Variants in MYRIP observed in about 807,000 individuals in gnomAD.
The protein encoded by MYRIP is myosin VIIA and Rab interacting protein.
In MYRIP, 49 loss-of-function variants were observed where a neutral mutation model predicts 98.0. That is an observed-to-expected ratio of 0.50 (90% CI 0.40 to 0.63). The LOEUF (loss-of-function observed/expected upper bound fraction) is 0.63, where lower values mean the gene tolerates loss of function less well. Ranked by LOEUF, MYRIP falls within the 30% of genes least tolerant of loss-of-function variation. The pLI, the probability that MYRIP is intolerant of heterozygous loss-of-function variation, is 0.00. For synonymous variants in MYRIP, 404 were observed against 409.5 expected (o/e 0.99, Z 0.16); for missense variants, 1,004 against 1,058.2 (o/e 0.95, Z 0.71).
At chr3:40,049,853 G>A (rs1947753403) in intron 3 of MYRIP, among the ~76,000 whole-genome samples, 1 of 152,140 alleles carries the variant, frequency 6.6e-6, no homozygotes, top group Non-Finnish European at 1.5e-5. Context: ...TATTGCTGAT[G>A]GGGAGAAAGT....
intron 1 of MYRIP, among the ~76,000 whole-genome samples, chr3:39,892,388 A>T (rs908472583): frequency 6.6e-6 from 1 of 152,202 alleles, no homozygotes; most frequent in Non-Finnish European, 1.5e-5. Context: ...TGGATATTGG[A>T]TGGCAGCAGT....
chr3:39,860,841 C>T (rs539298427), intron 1 of MYRIP, among the ~76,000 whole-genome samples: 139 of 152,230 alleles, frequency 9.1e-4, no homozygotes, highest in Non-Finnish European at 1.7e-3. Flanking sequence ...CATGTGTAGG[C>T]ATGTATACCC....
intron 2 of MYRIP, among the ~76,000 whole-genome samples, chr3:39,946,763 C>T (rs142567243): frequency 5.3e-5 from 8 of 152,090 alleles, no homozygotes; most frequent in South Asian, 2.1e-4. Context: ...CCTGAGCAGA[C>T]GATCCAGATA....
chr3:39,913,039 T>TA (rs34151055), intron 2 of MYRIP, among the ~76,000 whole-genome samples: 67,001 of 151,602 alleles, frequency 0.44, 15,054 homozygotes, highest in East Asian at 0.54. Flanking sequence ...GACTCCATCT[T>TA]AAAAAAAATT....
chr3:39,995,697 T>C (rs12634047), intron 2 of MYRIP, among the ~76,000 whole-genome samples: 12,817 of 152,126 alleles, frequency 0.084, 847 homozygotes, highest in African/African-American at 0.17. Flanking sequence ...GACGCAAAGA[T>C]ACTCCTCGAG....
intron 13 of MYRIP, 122 bp downstream of exon 13, chr3:40,244,729 G>A (rs773577018): frequency 5.1e-5 from 55 of 1,083,250 alleles, no homozygotes; most frequent in African/African-American, 3.2e-4. Flanking sequence ...GCATGTTTGC[G>A]TGGATACAGT....
chr3:39,997,470 C>G (rs1946393812), intron 2 of MYRIP, among the ~76,000 whole-genome samples: 1 of 152,102 alleles, frequency 6.6e-6, no homozygotes, highest in Admixed American at 6.5e-5. Flanking sequence ...TACACCCTCC[C>G]AAGACTAAAC....
intron 2 of MYRIP, among the ~76,000 whole-genome samples, chr3:39,994,804 A>G (rs889571583): frequency 2.4e-4 from 37 of 152,210 alleles, no homozygotes; most frequent in African/African-American, 8.9e-4. Flanking sequence ...GGGCAGACTG[A>G]CACCTCACAC....
intron 3 of MYRIP, among the ~76,000 whole-genome samples, chr3:40,110,266 T>C (rs1949132065): frequency 6.6e-6 from 1 of 152,110 alleles, no homozygotes; most frequent in African/African-American, 2.4e-5. Context: ...TGCATTTATT[T>C]GCAGGTTACT....
At chr3:39,836,076 T>C (rs1941611328) in intron 1 of MYRIP, among the ~76,000 whole-genome samples, 1 of 152,184 alleles carries the variant, frequency 6.6e-6, no homozygotes, top group African/African-American at 2.4e-5. Flanking sequence ...ATCTTTATAG[T>C]GTAATGATTT....
rs549494371 is a variant in MYRIP at position 39,943,331 on chromosome 3, G to T, written c.110+42405G>T. Among the ~76,000 whole-genome samples, 227 of 152,198 alleles carry T rather than the reference G, an allele frequency of 1.5e-3. 5 individuals carry two copies. The South Asian group carries it at 0.045, about 30-fold the overall frequency. The stretch of plus-strand genomic sequence containing the variant: ...TTTTATGATGACTCCATCCAATGAG[G>T]AAAAACAAATGGAAAACAACTTGCT... On this transcript the variant is annotated intron_variant, in intron 2 of 16. Coordinates refer to ENST00000302541, the MANE Select transcript of MYRIP (RefSeq NM_015460.4).
intron 2 of MYRIP, among the ~76,000 whole-genome samples, chr3:39,973,869 C>A (rs769898292): frequency 6.6e-6 from 1 of 152,124 alleles, no homozygotes; most frequent in African/African-American, 2.4e-5. Flanking sequence ...AAAGACGCAA[C>A]GTACCAGAAT....
chr3:40,085,381 G>C (rs114940456), intron 3 of MYRIP, among the ~76,000 whole-genome samples: 2 of 152,092 alleles, frequency 1.3e-5, no homozygotes, highest in Non-Finnish European at 2.9e-5. Context: ...CCATCTCCCC[G>C]GTCAAGTGAT....
intron 3 of MYRIP, among the ~76,000 whole-genome samples, chr3:40,071,940 C>G (rs1161609181): frequency 6.6e-6 from 1 of 152,088 alleles, no homozygotes; most frequent in African/African-American, 2.4e-5. Flanking sequence ...TAAATCTGAA[C>G]CTAGGAGTAG....
intron 2 of MYRIP, among the ~76,000 whole-genome samples, chr3:40,023,624 C>T (rs1947054032): frequency 6.6e-6 from 1 of 152,166 alleles, no homozygotes; most frequent in Non-Finnish European, 1.5e-5. Context: ...AAAATGACGT[C>T]TCCCTTCCAC....
At chr3:40,159,739 T>C (rs1319789073) in intron 4 of MYRIP, among the ~76,000 whole-genome samples, 5 of 152,212 alleles carry the variant, frequency 3.3e-5, no homozygotes, top group Admixed American at 6.5e-5. Flanking sequence ...CTTCATTTCA[T>C]TCATTTCATC....
rs143392675 is a variant in MYRIP at position 40,248,797 on chromosome 3, T to C, written c.2263-1425T>C. Among the ~76,000 whole-genome samples the C allele has an allele frequency of 7.5e-3, 1,150 of 152,342 alleles. 6 individuals are homozygous for C. The highest frequency in any genetic ancestry group is 0.011 in the Admixed American group (161 of 15,304). On this transcript the variant is annotated intron_variant, in intron 13 of 16. Transcript: ENST00000302541. ...GAGGCTTGTGTAATTTGTTGGTTCATAAACCAAAAGAATGCAGTTCTTAAT... is the reference window on the plus strand; with the variant it reads ...GAGGCTTGTGTAATTTGTTGGTTCACAAACCAAAAGAATGCAGTTCTTAAT...
intron 2 of MYRIP, among the ~76,000 whole-genome samples, chr3:39,913,194 C>T (rs1439439466): frequency 6.6e-6 from 1 of 152,250 alleles, no homozygotes; most frequent in Non-Finnish European, 1.5e-5. Context: ...TTATTTTTCA[C>T]AAATATTAAA....
At chr3:39,956,261 C>T (rs553200739) in intron 2 of MYRIP, among the ~76,000 whole-genome samples, 29 of 152,142 alleles carry the variant, frequency 1.9e-4, no homozygotes, top group Non-Finnish European at 3.5e-4. Context: ...ATTCCAAAAT[C>T]GACCACATAG....
Sources: gnomAD v4.1 joint callset for allele counts (sites outside exome capture counted in the v4.1 genomes callset) on GRCh38, gnomAD v4.1.1 for gene constraint, MANE v1.5 for transcripts, NCBI Gene and HGNC (gene_info 2026-07-23, HGNC 2026-07-21) for gene names.